ERAP1: variants seen among roughly 807,000 people sequenced by gnomAD.
ERAP1 encodes adipocyte-derived leucine aminopeptidase.
A neutral mutation model predicts 103.7 loss-of-function variants in ERAP1; 86 were observed. That is an observed-to-expected ratio of 0.83 (90% CI 0.70 to 0.99). ERAP1 has a LOEUF of 0.99. Ranked by LOEUF, ERAP1 falls within the 50% of genes least tolerant of loss-of-function variation. The probability of loss-of-function intolerance (pLI) is 0.00; values close to 1 mark genes in which losing one functional copy is unlikely to be tolerated. For missense variants in ERAP1, 1,009 were observed against 1,128.4 expected (o/e 0.89, Z 1.52); for synonymous variants, 398 against 402.4 (o/e 0.99, Z 0.13).
chr5:96,913,225 C>G, the ERAP1 span: 8 of 979,512 alleles, frequency 8.2e-6, no homozygotes, highest in South Asian at 1.4e-4. Context: ...ATGCCTCTTT[C>G]TGTTCTATTC....
chr5:96,790,294 A>C lies in ERAP1; in HGVS notation c.1524+2T>G. The C allele has an allele frequency of 6.2e-7, 1 of 1,613,590 alleles. No individual in the cohort carries two copies. The highest frequency in any genetic ancestry group is 8.5e-7 in the Non-Finnish European group (1 of 1,179,506). ...GGAACATGTACAGATATAGAAACTT[A>C]CTGAGGATGAAGATGAATGTTGACT... On this transcript the variant is annotated splice_donor_variant, in intron 10 of 18. Transcript: ENST00000443439. LOFTEE classifies it high-confidence loss of function.
At chr5:96,813,403 C>T in the ERAP1 span, among the ~76,000 whole-genome samples, 2 of 151,910 alleles carry the variant, frequency 1.3e-5, no homozygotes, top group African/African-American at 2.4e-5. Flanking sequence ...GCCTGCAATC[C>T]CAGCACTTTG....
the ERAP1 span, chr5:96,908,965 G>T: frequency 1.9e-6 from 3 of 1,613,852 alleles, no homozygotes; most frequent in Middle Eastern, 1.6e-4. Flanking sequence ...CTTCAGTGCA[G>T]GGAGACTGAC....
rs752530926 is a variant in ERAP1, at chr5:96,785,787, C to A, written c.1943+1G>T. 6.2e-7 allele frequency: 1 copy of A among 1,614,070 alleles called. No homozygotes were observed. The highest frequency in any genetic ancestry group is 1.3e-5 in the African/African-American group (1 of 75,030). ...CCGCGACTTTGTGCAGCGTGTATTA[C>A]CTGACGAGCTGAAATGCATTGTTAA... On this transcript the variant is annotated splice_donor_variant, in intron 13 of 18. Coordinates refer to ENST00000443439, the MANE Select transcript of ERAP1 (RefSeq NM_001040458.3). LOFTEE classifies it high-confidence loss of function.
At chr5:96,913,412 T>C in the ERAP1 span, 1 of 1,614,170 alleles carries the variant, frequency 6.2e-7, no homozygotes, top group South Asian at 1.1e-5. Context: ...GGGCAGCAAC[T>C]AGCATGGGAT....
the ERAP1 span, chr5:96,879,693 AT>A: frequency 6.2e-7 from 1 of 1,613,010 alleles, no homozygotes; most frequent in Non-Finnish European, 8.5e-7. Context: ...TTCATGTTCC[AT>A]TCTTCTGCAA....
chr5:96,913,625 G>C, the ERAP1 span, among the ~76,000 whole-genome samples: 1 of 152,160 alleles, frequency 6.6e-6, no homozygotes, highest in Non-Finnish European at 1.5e-5. Flanking sequence ...TCCTGTCCAG[G>C]AGTAAGGGAG....
downstream of ERAP1, chr5:96,772,991 T>C (rs538634490): frequency 5.8e-5 from 9 of 154,014 alleles, no homozygotes; most frequent in African/African-American, 1.9e-4. Context: ...GTAAATCTCA[T>C]TTGTATTTTC....
chr5:96,893,031 G>A, the ERAP1 span, among the ~76,000 whole-genome samples: 16 of 152,104 alleles, frequency 1.1e-4, no homozygotes, highest in East Asian at 3.1e-3. Flanking sequence ...GAAAGTGTGC[G>A]GATCACATAG....
At chr5:96,769,926 A>G (rs1771647913), downstream of ERAP1, 1 of 150,970 alleles carries the variant, frequency 6.6e-6, no homozygotes, top group African/African-American at 2.4e-5. Context: ...AGGCTGAATA[A>G]TATTCCATTA....
chr5:96,770,329 TA>T, downstream of ERAP1: 1 of 535,954 alleles, frequency 1.9e-6, no homozygotes, highest in Admixed American at 3.1e-5. Flanking sequence ...TTTCCCTCCT[TA>T]TTTCTATCCT....
In ERAP1 at chr5:96,776,361, T is replaced by G; in HGVS notation, c.*35A>C. 3 of 1,589,356 alleles carry G rather than the reference T, an allele frequency of 1.9e-6. No homozygotes were observed. Among genetic ancestry groups the G allele is most frequent in the Non-Finnish European group, 2.6e-6 (3 of 1,167,518 alleles). The stretch of plus-strand genomic sequence containing the variant: ...AATACACTCAACAAAATGTTGGTGA[T>G]TAGAGATAACAGGAACCTGGCAAGG... On this transcript the variant is annotated 3_prime_UTR_variant, in exon 19 of 19. Coordinates refer to ENST00000443439, the MANE Select transcript of ERAP1 (RefSeq NM_001040458.3).
chr5:96,850,918 C>G, the ERAP1 span, among the ~76,000 whole-genome samples: 1 of 152,110 alleles, frequency 6.6e-6, no homozygotes. Context: ...AAGAAACCTC[C>G]CTTACACGTT....
intron 19 of ERAP1, among the ~76,000 whole-genome samples, chr5:96,763,551 A>G (rs573858284): frequency 1.3e-5 from 2 of 152,352 alleles, no homozygotes; most frequent in East Asian, 3.8e-4. Flanking sequence ...TTTAAGAAGT[A>G]GGTTTTACAA....
chr5:96,870,045 C>T, the ERAP1 span, among the ~76,000 whole-genome samples: 7 of 152,198 alleles, frequency 4.6e-5, no homozygotes, highest in South Asian at 2.1e-4. Flanking sequence ...AAGAGGTGAA[C>T]GAGGGATTCC....
the ERAP1 span, among the ~76,000 whole-genome samples, chr5:96,920,807 T>C: frequency 5.3e-5 from 8 of 152,366 alleles, no homozygotes; most frequent in Admixed American, 4.6e-4. Context: ...AAGCCAGGTC[T>C]CCAAATCATA....
chr5:96,909,688 G>A, the ERAP1 span: 6 of 1,614,204 alleles, frequency 3.7e-6, no homozygotes, highest in South Asian at 4.4e-5. Context: ...GCTGGCCTGT[G>A]ACCTGAACCA....
the ERAP1 span, among the ~76,000 whole-genome samples, chr5:96,822,095 T>C: frequency 2.0e-5 from 3 of 152,224 alleles, no homozygotes; most frequent in Non-Finnish European, 2.9e-5. Flanking sequence ...CATTCCTCTC[T>C]TCACTGCTCT....
the ERAP1 span, among the ~76,000 whole-genome samples, chr5:96,824,715 T>C: frequency 6.6e-6 from 1 of 152,162 alleles, no homozygotes. Flanking sequence ...CCCTTACTTC[T>C]CTAACACCAC....
Sources: allele counts gnomAD v4.1 joint callset (sites outside exome capture counted in the v4.1 genomes callset), GRCh38; gene constraint gnomAD v4.1.1; transcripts MANE v1.5; gene names NCBI Gene and HGNC (gene_info 2026-07-23, HGNC 2026-07-21).